Variants in GLRB observed in about 807,000 individuals in gnomAD.
The protein encoded by GLRB is glycine receptor beta.
GLRB carries 33 observed loss-of-function variants against 54.2 expected under a neutral mutation model. The observed-to-expected ratio is 0.61, with a 90% confidence interval of 0.46 to 0.81. The LOEUF (loss-of-function observed/expected upper bound fraction) is 0.81. Ranked by LOEUF, GLRB falls within the 40% of genes least tolerant of loss-of-function variation. The pLI, the probability that GLRB is intolerant of heterozygous loss-of-function variation, is 0.00. For synonymous variants in GLRB, 209 were observed against 208.2 expected (o/e 1.00, Z -0.03); for missense variants, 572 against 584.6 (o/e 0.98, Z 0.22).
chr4:157,080,575 A>G (rs1734187737), intron 2 of GLRB, among the ~76,000 whole-genome samples: 1 of 152,182 alleles, frequency 6.6e-6, no homozygotes, highest in East Asian at 1.9e-4. Flanking sequence ...CTTGATTAAG[A>G]ATTTGAGCTA....
intron 2 of GLRB, among the ~76,000 whole-genome samples, chr4:157,099,077 T>G (rs971928902): frequency 2.0e-5 from 3 of 152,140 alleles, no homozygotes; most frequent in Non-Finnish European, 4.4e-5. Context: ...ACAGCTCAGC[T>G]ACTCGTTTAT....
At chr4:157,117,035 C>A (rs1305405370) in intron 2 of GLRB, among the ~76,000 whole-genome samples, 1 of 151,426 alleles carries the variant, frequency 6.6e-6, no homozygotes, top group Non-Finnish European at 1.5e-5. Flanking sequence ...TGCTAACGAA[C>A]AAAAATTTGT....
intron 2 of GLRB, among the ~76,000 whole-genome samples, chr4:157,117,998 A>C (rs1202382568): frequency 6.6e-6 from 1 of 151,708 alleles, no homozygotes; most frequent in African/African-American, 2.4e-5. Flanking sequence ...GGTTTGGTTT[A>C]GATTAGTACA....
chr4:157,103,772 T>C (rs1320616014), intron 2 of GLRB, among the ~76,000 whole-genome samples: 1 of 152,228 alleles, frequency 6.6e-6, no homozygotes, highest in Non-Finnish European at 1.5e-5. Flanking sequence ...TAGTTAAGGT[T>C]ATTCCTAAAT....
Position 157,170,734 on chromosome 4 carries a change from C to A in GLRB, c.*6C>A, listed in dbSNP as rs1459403463. ...ATTGGTCTATATATTTATGATAAAT[C>A]TTTTCCATTTGTACAAAATAAAATT... On this transcript the variant is annotated 3_prime_UTR_variant, in exon 10 of 10. Coordinates refer to ENST00000264428, the MANE Select transcript of GLRB (RefSeq NM_000824.5). 3.6e-6 allele frequency: 5 copies of A among 1,400,566 alleles called. No homozygotes were observed. The highest frequency in any genetic ancestry group is 2.2e-5 in the Admixed American group (1 of 44,824). 86.8% of individuals were successfully genotyped at this position (1,400,566 alleles called of 1,614,324 possible).
chr4:157,101,241 A>G (rs1272874638), intron 2 of GLRB, among the ~76,000 whole-genome samples: 1 of 152,120 alleles, frequency 6.6e-6, no homozygotes, highest in Non-Finnish European at 1.5e-5. Flanking sequence ...TAATATATTT[A>G]AAATAAATTT....
Position 157,076,313 on chromosome 4 carries a change from T to A in GLRB, c.-30+16T>A, listed in dbSNP as rs1316118123. ...GCGCCTCCGGGTAAGTGCCAGGAGC[T>A]CCACTTAGGAGGAGGGGACGCGGGT... On this transcript the variant is annotated intron_variant, in intron 1 of 9. Transcript: ENST00000264428. The A allele has an allele frequency of 6.6e-6, 1 of 151,498 alleles. No individual in the cohort carries two copies. The highest frequency in any genetic ancestry group is 1.5e-5 in the Non-Finnish European group (1 of 67,872). The allele number at this position is 151,498 out of a possible 1,614,324, so 9.4% of individuals were successfully genotyped here.
At chr4:157,093,754 C>CAAAAAAAAAAAAAAAAA (rs70958808) in intron 2 of GLRB, among the ~76,000 whole-genome samples, 1 of 60,842 alleles carries the variant, frequency 1.6e-5, no homozygotes, top group Non-Finnish European at 3.1e-5. Flanking sequence ...GACTCCATCT[C>CAAAAAAAAAAAAAAAAA]AAAAAAAAAA....
chr4:157,104,588 G>A (rs1253004153), intron 2 of GLRB, among the ~76,000 whole-genome samples: 1 of 151,854 alleles, frequency 6.6e-6, no homozygotes, highest in African/African-American at 2.4e-5. Context: ...GACTTTGGAA[G>A]TGTTTCTTTC....
intron 9 of GLRB, among the ~76,000 whole-genome samples, chr4:157,169,140 TTA>T (rs1560981566): frequency 6.6e-6 from 1 of 152,044 alleles, no homozygotes; most frequent in Admixed American, 6.6e-5. Context: ...ATCTATAGAA[TTA>T]GTCAATGTAT....
chr4:157,109,943 C>T (rs1053319926), intron 2 of GLRB, among the ~76,000 whole-genome samples: 1 of 151,976 alleles, frequency 6.6e-6, no homozygotes, highest in Non-Finnish European at 1.5e-5. Flanking sequence ...TCTATGTCTC[C>T]AGCTTTCTGG....
chr4:157,144,773 C>T (rs1003393713), intron 8 of GLRB, among the ~76,000 whole-genome samples: 4 of 152,016 alleles, frequency 2.6e-5, no homozygotes, highest in African/African-American at 9.7e-5. Context: ...TTTCTTCCAT[C>T]GAAAAGGCCT....
chr4:157,101,484 C>T (rs985956654), intron 2 of GLRB, among the ~76,000 whole-genome samples: 2 of 152,030 alleles, frequency 1.3e-5, no homozygotes, highest in Non-Finnish European at 2.9e-5. Context: ...CACTAACAGA[C>T]ACGCAATCTC....
chr4:157,091,829 G>C (rs761006578), intron 2 of GLRB, among the ~76,000 whole-genome samples: 5 of 152,078 alleles, frequency 3.3e-5, no homozygotes, highest in Middle Eastern at 3.2e-3. Context: ...ACACTATTCT[G>C]TTGTCTATTC....
rs1486023739 is a variant in GLRB, at chr4:157,170,865, TG to T, written c.*139del. 8.6e-6 allele frequency: 5 copies of T among 582,498 alleles called. No individual in the cohort carries two copies. In the East Asian group the frequency reaches 1.1e-4, roughly 13 times the overall value. The allele number at this position is 582,498 out of a possible 1,614,324, so 36.1% of individuals were successfully genotyped here. On this transcript the variant is annotated 3_prime_UTR_variant, in exon 10 of 10. Coordinates refer to ENST00000264428, the MANE Select transcript of GLRB (RefSeq NM_000824.5). Reference sequence around the variant, plus strand: ...ATGCCATTTGATTGTAATAAAACTGTGGCACCTTAATTTTGAATGGCAGCAT... The same window carrying T: ...ATGCCATTTGATTGTAATAAAACTGTGCACCTTAATTTTGAATGGCAGCAT...
chr4:157,122,255 C>A, intron 3 of GLRB, 75 bp from the exon 4 acceptor site: 4 of 634,084 alleles, frequency 6.3e-6, no homozygotes, highest in African/African-American at 1.9e-5. Flanking sequence ...ATTAAATGTG[C>A]AAACCAAAAA....
intron 2 of GLRB, among the ~76,000 whole-genome samples, chr4:157,090,628 A>G (rs533064584): frequency 2.0e-5 from 3 of 152,206 alleles, no homozygotes; most frequent in Non-Finnish European, 4.4e-5. Context: ...AGATCATTGA[A>G]CATTTTGTCC....
rs563314607 is a variant in GLRB, at chr4:157,165,381, C to T, written c.1198-5051C>T. ...TGTACTTTGCCTTTCTAAATGCAAA[C>T]TTTTGCCAAATAATTTCAATATTGT... On this transcript the variant is annotated intron_variant, in intron 9 of 9. Transcript: ENST00000264428. 9.5e-4 allele frequency among the ~76,000 whole-genome samples: 144 copies of T among 151,838 alleles called. 1 individual carries two copies. The highest frequency in any genetic ancestry group is 3.3e-3 in the African/African-American group (137 of 41,464).
intron 2 of GLRB, among the ~76,000 whole-genome samples, chr4:157,098,543 A>G (rs554701890): frequency 8.1e-4 from 123 of 152,260 alleles, no homozygotes; most frequent in South Asian, 7.0e-3. Context: ...AGGAGGGGCC[A>G]TTAAGGAGAG....
Sources: allele counts gnomAD v4.1 joint callset (sites outside exome capture counted in the v4.1 genomes callset), GRCh38; gene constraint gnomAD v4.1.1; transcripts MANE v1.5; gene names NCBI Gene and HGNC (gene_info 2026-07-23, HGNC 2026-07-21).